The following CSMD1 variants were observed in gnomAD, a reference collection of about 807,000 sequenced individuals.
CSMD1 encodes CUB and Sushi multiple domains 1.
CSMD1 carries 213 observed loss-of-function variants against 417.5 expected under a neutral mutation model. The ratio of observed to expected loss-of-function variants is 0.51; its 90% CI spans 0.46 to 0.57. The LOEUF (loss-of-function observed/expected upper bound fraction) is 0.57, where lower values mean the gene tolerates loss of function less well. Among genes scored for constraint, CSMD1 ranks in the 20% least tolerant of loss-of-function variants. The pLI, the probability that CSMD1 is intolerant of heterozygous loss-of-function variation, is 0.00. For synonymous variants in CSMD1, 2,862 were observed against 1,736.8 expected, an observed-to-expected ratio of 1.65 and a Z score of -16.11; for missense variants, 6,923 against 4,529.7, an observed-to-expected ratio of 1.53 and a Z score of -15.17.
At chr8:3,028,660 C>G (rs767521074) in intron 51 of CSMD1, among the ~76,000 whole-genome samples, 1 of 152,028 alleles carries the variant, frequency 6.6e-6, no homozygotes, top group Non-Finnish European at 1.5e-5. Context: ...AACATTCATG[C>G]TTTTGTCTTT....
At chr8:4,412,170 G>C (rs1272461772) in intron 3 of CSMD1, among the ~76,000 whole-genome samples, 3 of 152,044 alleles carry the variant, frequency 2.0e-5, no homozygotes, top group Non-Finnish European at 4.4e-5. Flanking sequence ...GATATAGTTC[G>C]GATATCTGTC....
chr8:3,532,152 C>T (rs947146215), intron 10 of CSMD1, among the ~76,000 whole-genome samples: 4 of 152,096 alleles, frequency 2.6e-5, no homozygotes, highest in South Asian at 2.1e-4. Flanking sequence ...GAAAGGTGTT[C>T]GCTTTGTTTC....
At chr8:3,954,105 G>A (rs1440203518) in intron 5 of CSMD1, among the ~76,000 whole-genome samples, 1 of 151,754 alleles carries the variant, frequency 6.6e-6, no homozygotes, top group African/African-American at 2.4e-5. Context: ...CTAGGAACGT[G>A]GCCAGTGGGA....
chr8:3,977,105 T>C (rs958272769), intron 5 of CSMD1, among the ~76,000 whole-genome samples: 1 of 152,216 alleles, frequency 6.6e-6, no homozygotes, highest in African/African-American at 2.4e-5. Context: ...TCATCTTAAT[T>C]TCTGCATTAT....
intron 3 of CSMD1, among the ~76,000 whole-genome samples, chr8:4,107,189 G>A (rs570188239): frequency 2.0e-5 from 3 of 152,224 alleles, no homozygotes; most frequent in Admixed American, 2.0e-4. Flanking sequence ...CAACAAAAAG[G>A]CTGAAAAACA....
At chr8:3,944,469 T>C (rs942940613) in intron 5 of CSMD1, among the ~76,000 whole-genome samples, 10 of 152,150 alleles carry the variant, frequency 6.6e-5, no homozygotes, top group Non-Finnish European at 1.3e-4. Flanking sequence ...TTTTTTTCCC[T>C]GAAAGTTTTG....
At chr8:4,102,436 A>C (rs1801353388) in intron 3 of CSMD1, among the ~76,000 whole-genome samples, 1 of 152,160 alleles carries the variant, frequency 6.6e-6, no homozygotes, top group African/African-American at 2.4e-5. Flanking sequence ...GTCATAATAG[A>C]TTTAAGAAAG....
chr8:4,680,978 G>C (rs1806012419), intron 1 of CSMD1, among the ~76,000 whole-genome samples: 1 of 146,146 alleles, frequency 6.8e-6, no homozygotes, highest in African/African-American at 2.6e-5. Context: ...GTGTGTGTGA[G>C]AGAGAGAGAG....
At chr8:3,369,577 T>C (rs1417560205) in intron 18 of CSMD1, among the ~76,000 whole-genome samples, 1 of 152,112 alleles carries the variant, frequency 6.6e-6, no homozygotes, top group African/African-American at 2.4e-5. Flanking sequence ...CTACAAAACC[T>C]TGACAACGTA....
chr8:4,314,037 G>A (rs562795462), intron 3 of CSMD1, among the ~76,000 whole-genome samples: 21 of 147,392 alleles, frequency 1.4e-4, no homozygotes, highest in Admixed American at 2.7e-4. Flanking sequence ...TAATAATAAT[G>A]ATAATAATAA....
chr8:4,794,229 CTT>C (rs1292371591), intron 1 of CSMD1, among the ~76,000 whole-genome samples: 230 of 133,322 alleles, frequency 1.7e-3, no homozygotes, highest in African/African-American at 5.7e-3. Flanking sequence ...TTTTATCACA[CTT>C]TTTGTCAGTA....
At chr8:3,985,779 G>C (rs368641752) in intron 5 of CSMD1, among the ~76,000 whole-genome samples, 58 of 148,286 alleles carry the variant, frequency 3.9e-4, no homozygotes, top group Middle Eastern at 3.5e-3. Context: ...TTTTTGAGAT[G>C]GAGTCTCACC....
At chr8:3,709,680 G>GTTTTTTCTTTTTTTTTT (rs1801387923) in intron 6 of CSMD1, among the ~76,000 whole-genome samples, 1 of 33,694 alleles carries the variant, frequency 3.0e-5, no homozygotes, top group Non-Finnish European at 5.7e-5. Flanking sequence ...GCAGCAGCAT[G>GTTTTTTCTTTTTTTTTT]TTTTTTTTTT....
intron 2 of CSMD1, among the ~76,000 whole-genome samples, chr8:4,508,641 AC>A (rs1173465186): frequency 2.0e-5 from 3 of 151,896 alleles, no homozygotes; most frequent in Non-Finnish European, 2.9e-5. Flanking sequence ...CTCCTTACCA[AC>A]CCCCACCCTC....
intron 10 of CSMD1, among the ~76,000 whole-genome samples, chr8:3,499,554 C>T (rs904399210): frequency 1.3e-5 from 2 of 152,030 alleles, no homozygotes; most frequent in Non-Finnish European, 2.9e-5. Context: ...TCCTTGGTCT[C>T]CTGCAAGAGG....
At chr8:4,802,581 TG>T (rs965739161) in intron 1 of CSMD1, among the ~76,000 whole-genome samples, 5 of 152,168 alleles carry the variant, frequency 3.3e-5, no homozygotes, top group African/African-American at 9.7e-5. Flanking sequence ...GAGATCACAA[TG>T]TTTTTTTCTT....
At chr8:3,576,846 A>T (rs995072025) in intron 9 of CSMD1, among the ~76,000 whole-genome samples, 2 of 152,238 alleles carry the variant, frequency 1.3e-5, no homozygotes, top group Admixed American at 1.3e-4. Flanking sequence ...AAAACCTTTG[A>T]AAAAAGTGAT....
intron 5 of CSMD1, among the ~76,000 whole-genome samples, chr8:3,838,199 G>C (rs1411566063): frequency 1.3e-5 from 2 of 151,930 alleles, no homozygotes; most frequent in South Asian, 2.1e-4. Flanking sequence ...GCCTTCCTAT[G>C]GATAGATAAC....
intron 3 of CSMD1, among the ~76,000 whole-genome samples, chr8:4,356,859 C>T (rs1326613185): frequency 6.6e-6 from 1 of 152,156 alleles, no homozygotes; most frequent in Non-Finnish European, 1.5e-5. Flanking sequence ...CTGCCCTTTC[C>T]TCTAAAATCT....
Sources: allele counts gnomAD v4.1 joint callset (sites outside exome capture counted in the v4.1 genomes callset), GRCh38; gene constraint gnomAD v4.1.1; transcripts MANE v1.5; gene names NCBI Gene and HGNC (gene_info 2026-07-23, HGNC 2026-07-21).